KMT2D: variants seen among roughly 807,000 people sequenced by gnomAD.
KMT2D encodes the protein histone-lysine N-methyltransferase 2D.
Under a neutral mutation model 512.7 loss-of-function variants are expected in KMT2D, and 55 were observed. The observed-to-expected ratio is 0.11, with a 90% CI of 0.09 to 0.13. The LOEUF (loss-of-function observed/expected upper bound fraction) is 0.13, where lower values mean the gene tolerates loss of function less well. KMT2D is among the 10% of genes least tolerant of loss of function. The pLI, the probability that KMT2D is intolerant of heterozygous loss-of-function variation, is 1.00. For synonymous variants in KMT2D, 2,995 were observed against 2,904.0 expected (o/e 1.03, Z -1.01); for missense variants, 6,061 against 7,127.9 (o/e 0.85, Z 5.39).
rs1592129081 is a variant in KMT2D, at chr12:49,037,392, G to T, written c.9964C>A (p.Gln3322Lys). The change falls in exon 35 of 55, where the codon CAG becomes AAG. Residue 3322 changes from glutamine to lysine, a missense_variant. Physicochemically the swap from Gln to Lys is moderately conservative, Grantham distance 53 (BLOSUM62 1). Transcript: ENST00000301067. ...ATCAGTGGCTGGGGCAAACCTGGCT[G>T]TCGGGCACCTGCAAGACCCAGGGAA... ...QLSLGLAGAR[Q>K]PGLPQPLMPT... is the part of the protein sequence containing the mutation. The T allele has an allele frequency of 6.2e-7, 1 of 1,607,458 alleles. No individual in the cohort carries two copies. The highest frequency in any genetic ancestry group is 8.5e-7 in the Non-Finnish European group (1 of 1,177,440).
At position 49,053,571 on chromosome 12, in the gene KMT2D, C is replaced by G; in HGVS notation, c.744G>C (p.Gly248=). 2 of 1,599,930 alleles carry G rather than the reference C, an allele frequency of 1.3e-6. No homozygotes were observed. The highest frequency in any genetic ancestry group is 1.7e-6 in the Non-Finnish European group (2 of 1,173,380). The change falls in exon 7 of 55, where the codon GGG becomes GGC. Residue 248 remains glycine, a synonymous_variant. Transcript: ENST00000301067. ...CCAGGCAGGCCCCGTGATAGTGATGCCCACAGCTGGTACAGAAGAACAGGT... is the reference window on the plus strand; with the variant it reads ...CCAGGCAGGCCCCGTGATAGTGATGGCCACAGCTGGTACAGAAGAACAGGT... ...LCDLFFCTSC[G]HHYHGACLDT... is the part of the protein sequence containing the mutation.
At chr12:49,048,536 GA>G (rs1937698193) in intron 14 of KMT2D, 122 bp downstream of exon 14, 2 of 666,912 alleles carry the variant, frequency 3.0e-6, no homozygotes, top group South Asian at 3.8e-5. Flanking sequence ...AACATGATTA[GA>G]ATTCATGGTC....
At position 49,031,044 on chromosome 12, in the gene KMT2D, T is replaced by G. The variant is rs1592114684; in HGVS notation, c.13531-11A>C. ...CCTTGCTGCTGCATCCTAAGCCAAA[T>G]AAGCCCATTGAAGGCTGCTACCCTC... On this transcript the variant is annotated splice_polypyrimidine_tract_variant and intron_variant, in intron 40 of 54. Coordinates refer to ENST00000301067, the MANE Select transcript of KMT2D (RefSeq NM_003482.4). The G allele has an allele frequency of 6.2e-7, 1 of 1,613,402 alleles. No individual in the cohort carries two copies. Among genetic ancestry groups the G allele is most frequent in the Middle Eastern group, 1.6e-4 (1 of 6,062 alleles).
rs892931657 is a variant in KMT2D at position 49,040,920 on chromosome 12, C to A, written c.6850G>T (p.Ala2284Ser). ...SPPPFGESRK[A>S]LEVKKEELGA... is the part of the protein sequence containing the mutation. The stretch of plus-strand genomic sequence containing the variant: ...AGCTCTTCCTTCTTCACCTCTAGGG[C>A]CTTCCGGGACTCCCCAAAAGGTGGG... Residue 2284 changes from alanine (A) to serine (S), a missense_variant, in exon 32 of 55, where the codon GCC (alanine) becomes TCC (serine). By Grantham distance (99) the Ala-to-Ser change is moderately conservative (BLOSUM62 1). Coordinates refer to ENST00000301067, the MANE Select transcript of KMT2D (RefSeq NM_003482.4). 2.5e-6 allele frequency: 4 copies of A among 1,613,636 alleles called. No homozygotes were observed. Among genetic ancestry groups the A allele is most frequent in the African/African-American group, 1.3e-5 (1 of 74,910 alleles).
In KMT2D at chr12:49,033,572, A is replaced by G. The variant is rs1019236764; in HGVS notation, c.11133T>C (p.Pro3711=). 2.5e-6 allele frequency: 4 copies of G among 1,613,296 alleles called. No homozygotes were observed. In the African/African-American group the frequency reaches 5.3e-5, roughly 22 times the overall value. The change falls in exon 40 of 55, where the codon CCT becomes CCC. Residue 3711 remains proline, a synonymous_variant. Transcript: ENST00000301067. The part of the protein sequence containing the change: ...PGNLALRSLG[P]DSRLLQERQL... ...GCCTTTCCTGTAAAAGCCTTGAATCAGGTCCGAGGCTTCGAAGAGCAAGGT... is the reference window on the plus strand; with the variant it reads ...GCCTTTCCTGTAAAAGCCTTGAATCGGGTCCGAGGCTTCGAAGAGCAAGGT...
At position 49,050,991 on chromosome 12, in the gene KMT2D, G is replaced by C. The variant is rs2120661321; in HGVS notation, c.2692C>G (p.Pro898Ala). Residue 898 changes from proline (P) to alanine (A), a missense_variant, in exon 11 of 55, where the codon CCA (proline) becomes GCA (alanine). This residue lies in a region of KMT2D where 848 missense variants were observed against 838.5 expected (regional missense o/e 1.01). Coordinates refer to ENST00000301067, the MANE Select transcript of KMT2D (RefSeq NM_003482.4). ...EPSLSPLLGEPALSEPGEPPL... is the reference protein window; with the variant it reads ...EPSLSPLLGEAALSEPGEPPL... ...GGTTCCCCAGGCTCAGACAGGGCTG[G>C]CTCTCCAAGCAAGGGAGATAAGGAT... 2 of 1,570,258 alleles carry C rather than the reference G, an allele frequency of 1.3e-6. No homozygotes were observed. Among genetic ancestry groups the C allele is most frequent in the Non-Finnish European group, 1.7e-6 (2 of 1,159,150 alleles).
In KMT2D at chr12:49,044,852, C is replaced by G. The variant is rs1309519177; in HGVS notation, c.4855G>C (p.Gly1619Arg). ...TCCAATCCTGCCTCGCCTGGGAGGC[C>G]AAGCCGTCCTCGCCGTTGGCGCCGC... ...HKRRQRRGRLGLPGEAGLEGS... is the reference protein window; with the variant it reads ...HKRRQRRGRLRLPGEAGLEGS... The change falls in exon 20 of 55, where the codon GGC becomes CGC. Residue 1619 changes from glycine to arginine, a missense_variant. By Grantham distance (125) the Gly-to-Arg change is moderately radical (BLOSUM62 -2). Coordinates refer to ENST00000301067, the MANE Select transcript of KMT2D (RefSeq NM_003482.4). This position sits in a 1 kb window ranked among gnomAD's most constrained non-coding sequence, Gnocchi z 6.4. 8 of 1,614,070 alleles carry G rather than the reference C, an allele frequency of 5.0e-6. No individual in the cohort carries two copies. The highest frequency in any genetic ancestry group is 6.8e-6 in the Non-Finnish European group (8 of 1,179,906).
Position 49,022,330 on chromosome 12 carries a change from T to C in KMT2D, c.16362A>G (p.Arg5454=), listed in dbSNP as rs2137705078. ...EEQNRGIYMF[R]INNEHVIDAT... is the part of the protein sequence containing the mutation. ...CATCAATCACATGTTCATTGTTTAT[T>C]CGGAACATGTAGATGCCTCGATTCT... is the stretch of plus-strand genomic sequence containing the variant. Residue 5454 remains arginine (R), a synonymous_variant, in exon 53 of 55, where the codon CGA becomes CGG. Transcript: ENST00000301067. The surrounding 1 kb of genome is among the most constrained non-coding windows in gnomAD (Gnocchi z 8.6). 1 of 1,608,714 alleles carries C rather than the reference T, an allele frequency of 6.2e-7. No individual in the cohort carries two copies. The highest frequency in any genetic ancestry group is 8.5e-7 in the Non-Finnish European group (1 of 1,176,600).
Position 49,045,948 on chromosome 12 carries a change from C to G in KMT2D, c.4713G>C (p.Glu1571Asp), listed in dbSNP as rs779713024. 1 of 1,613,982 alleles carries G rather than the reference C, an allele frequency of 6.2e-7. No individual in the cohort carries two copies. The highest frequency in any genetic ancestry group is 1.1e-5 in the South Asian group (1 of 91,078). Reference protein sequence around the residue: ...VKPVAPVAPPELVPMKVKEPE... With the variant: ...VKPVAPVAPPDLVPMKVKEPE... The stretch of plus-strand genomic sequence containing the variant: ...GCTCTTTCACCTTCATGGGCACCAG[C>G]TCTGGAGGTGCAACAGGCGCTATGG... The change falls in exon 19 of 55, where the codon GAG becomes GAC. Residue 1571 changes from glutamate (E) to aspartate (D), a missense_variant. By Grantham distance (45) the Glu-to-Asp change is conservative (BLOSUM62 2). This residue lies in a region of KMT2D where 640 missense variants were observed against 814.3 expected (regional missense o/e 0.79). Coordinates refer to ENST00000301067, the MANE Select transcript of KMT2D (RefSeq NM_003482.4).
Position 49,039,517 on chromosome 12 carries a change from G to A in KMT2D, c.8147C>T (p.Pro2716Leu). The A allele has an allele frequency of 1.2e-6, 2 of 1,612,216 alleles. No homozygotes were observed. The highest frequency in any genetic ancestry group is 3.3e-5 in the Admixed American group (2 of 59,894). The change falls in exon 33 of 55, where the codon CCT becomes CTT. Residue 2716 changes from proline to leucine, a missense_variant. Coordinates refer to ENST00000301067, the MANE Select transcript of KMT2D (RefSeq NM_003482.4). This position sits in a 1 kb window ranked among gnomAD's most constrained non-coding sequence, Gnocchi z 5.0. ...TAAAAAGAVGPPGSWGAEPSS... is the reference protein window; with the variant it reads ...TAAAAAGAVGLPGSWGAEPSS... Reference sequence around the variant, plus strand: ...GGGCTCAGCACCCCAGCTGCCTGGAGGCCCCACTGCTCCTGCAGCTGCTGC... The same window carrying A: ...GGGCTCAGCACCCCAGCTGCCTGGAAGCCCCACTGCTCCTGCAGCTGCTGC...
rs2120579552 is a variant in KMT2D, at chr12:49,044,199, C to T, written c.5188+1G>A. ...CCCACTGGTGCCCTCACCCGTCTCA[C>T]CCTCGTCGGGCTGCCCATCCCCACT... is the stretch of plus-strand genomic sequence containing the variant. On this transcript the variant is annotated splice_donor_variant, in intron 22 of 54. Transcript: ENST00000301067. LOFTEE classifies it high-confidence loss of function. This position sits in a 1 kb window ranked among gnomAD's most constrained non-coding sequence, Gnocchi z 6.4. The T allele has an allele frequency of 1.2e-6, 2 of 1,611,150 alleles. No homozygotes were observed. Among genetic ancestry groups the T allele is most frequent in the Non-Finnish European group, 1.7e-6 (2 of 1,179,524 alleles).
intron 35 of KMT2D, 86 bp downstream of exon 35, chr12:49,037,039 T>C: frequency 6.8e-7 from 1 of 1,476,616 alleles, no homozygotes; most frequent in East Asian, 2.3e-5. Flanking sequence ...TAAGTAGGGA[T>C]TATCTGAGGT....
At chr12:49,027,710 T>C (rs1480618631) in intron 48 of KMT2D, 93 bp downstream of exon 48, 1 of 1,481,180 alleles carries the variant, frequency 6.8e-7, no homozygotes, top group Non-Finnish European at 9.2e-7. Flanking sequence ...TCGCCTTGCC[T>C]CCCAAAGCAC....
At chr12:49,052,531 G>A (rs761844418) in intron 10 of KMT2D, 33 bp downstream of exon 10, 5 of 1,607,258 alleles carry the variant, frequency 3.1e-6, no homozygotes, top group African/African-American at 2.7e-5. Context: ...AATAAAAGGG[G>A]ATGAATTTCA....
At position 49,048,772 on chromosome 12, in the gene KMT2D, G is replaced by C. The variant is rs2120626692; in HGVS notation, c.4021-3C>G. ...GGAGAGCTATCAATGTCAGCAACCT[G>C]ATGGGCAGAGAGTTATGGAAAGTGA... On this transcript the variant is annotated splice_region_variant and splice_polypyrimidine_tract_variant and intron_variant, in intron 13 of 54. Transcript: ENST00000301067. 1 of 1,573,174 alleles carries C rather than the reference G, an allele frequency of 6.4e-7. No individual in the cohort carries two copies. The highest frequency in any genetic ancestry group is 8.7e-7 in the Non-Finnish European group (1 of 1,147,412).
chr12:49,040,124 G>T lies in KMT2D; in HGVS notation c.7646C>A (p.Pro2549His). Residue 2549 changes from proline to histidine, a missense_variant, in exon 32 of 55, where the codon CCC becomes CAC. Physicochemically the swap from Pro to His is moderately conservative, Grantham distance 77 (BLOSUM62 -2). Transcript: ENST00000301067. ...CGGGAGACCAGGCTGAGGGACAGGG[G>T]GCTTTAGGGAAGGCTCCCCTACTGC... ...PQAVGEPSLK[P>H]PVPQPGLPPP... 2 of 1,613,898 alleles carry T rather than the reference G, an allele frequency of 1.2e-6. No individual in the cohort carries two copies. Among genetic ancestry groups the T allele is most frequent in the Non-Finnish European group, 1.7e-6 (2 of 1,179,858 alleles).
chr12:49,037,442 C>T lies in KMT2D; in HGVS notation c.9914G>A (p.Ser3305Asn), dbSNP rs1459457731. 4 of 1,584,672 alleles carry T rather than the reference C, an allele frequency of 2.5e-6. No individual in the cohort carries two copies. The highest frequency in any genetic ancestry group is 3.4e-6 in the Non-Finnish European group (4 of 1,165,410). The change falls in exon 35 of 55, where the codon AGT (serine) becomes AAT (asparagine). Residue 3305 changes from serine to asparagine, a missense_variant. This residue lies in a region of KMT2D where 533 missense variants were observed against 539.6 expected (regional missense o/e 0.99). Coordinates refer to ENST00000301067, the MANE Select transcript of KMT2D (RefSeq NM_003482.4). Reference sequence around the variant, plus strand: ...AAGCTGCTGTTGGGACCCAGCCAAACTGGGAGAAGAGCCCTCATGTGGCAA... The same window carrying T: ...AAGCTGCTGTTGGGACCCAGCCAAATTGGGAGAAGAGCCCTCATGTGGCAA... The part of the protein sequence containing the change: ...MSLPHEGSSP[S>N]LAGSQQQLSL...
At position 49,055,317 on chromosome 12, in the gene KMT2D, C is replaced by T. The variant is rs1451360303; in HGVS notation, c.8G>A (p.Ser3Asn). 1 of 1,614,010 alleles carries T rather than the reference C, an allele frequency of 6.2e-7. No individual in the cohort carries two copies. Among genetic ancestry groups the T allele is most frequent in the South Asian group, 1.1e-5 (1 of 91,082 alleles). The change falls in exon 2 of 55, where the codon AGC becomes AAC. Residue 3 changes from serine (S) to asparagine (N), a missense_variant. Ser to Asn is a conservative substitution (Grantham distance 46). Transcript: ENST00000301067. MD[S>N]QKLAGEDKDS... ...TTTATCCTCACCAGCCAGCTTCTGG[C>T]TGTCCATCCCTCTCTCCGACTGGGC...
rs758460806 is a variant in KMT2D, at chr12:49,040,066, G to A, written c.7704C>T (p.Pro2568=). Residue 2568 remains proline (P), a synonymous_variant, in exon 32 of 55, where the codon CCC becomes CCT. Coordinates refer to ENST00000301067, the MANE Select transcript of KMT2D (RefSeq NM_003482.4). ...PPHGINSHFG[P]GPTLGKPQST... is the part of the protein sequence containing the mutation. ...TTTGAGGCTTGCCCAAGGTGGGGCCGGGCCCAAAATGGCTGTTGATCCCAT... is the reference window on the plus strand; with the variant it reads ...TTTGAGGCTTGCCCAAGGTGGGGCCAGGCCCAAAATGGCTGTTGATCCCAT... 18 of 1,613,764 alleles carry A rather than the reference G, an allele frequency of 1.1e-5. No individual in the cohort carries two copies. The highest frequency in any genetic ancestry group is 6.7e-5 in the African/African-American group (5 of 74,928).
Sources: gnomAD v4.1 joint callset for allele counts on GRCh38, gnomAD v4.1.1 for gene constraint, gnomAD v4.1.1 regional missense constraint, Gnocchi (gnomAD v3.1) non-coding constraint, MANE v1.5 for transcripts, NCBI Gene and HGNC (gene_info 2026-07-23, HGNC 2026-07-21) for gene names.